The following HECA variants were observed in gnomAD, a reference collection of about 807,000 sequenced individuals.
The protein encoded by HECA is HECA ribonucleoprotein granule regulator, also known as headcase protein homolog.
Under a neutral mutation model 37.6 loss-of-function variants are expected in HECA, and 13 were observed. The ratio of observed to expected loss-of-function variants is 0.35; its 90% confidence interval spans 0.23 to 0.55. HECA has a LOEUF of 0.55. Among genes scored for constraint, HECA ranks in the 20% least tolerant of loss-of-function variants. The pLI, the probability that HECA is intolerant of heterozygous loss-of-function variation, is 0.90. For missense variants in HECA, 527 were observed against 701.9 expected, an observed-to-expected ratio of 0.75 and a Z score of 2.82; for synonymous variants, 307 against 291.5, an observed-to-expected ratio of 1.05 and a Z score of -0.54.
At chr6:139,163,361 T>C (rs1314428299) in intron 1 of HECA, among the ~76,000 whole-genome samples, 1 of 27,130 alleles carries the variant, frequency 3.7e-5, no homozygotes, top group Non-Finnish European at 1.1e-4. Flanking sequence ...TCTTTTTTTT[T>C]TTTTTTTTTT....
intron 1 of HECA, among the ~76,000 whole-genome samples, chr6:139,165,785 G>A (rs974048119): frequency 8.9e-6 from 1 of 112,296 alleles, no homozygotes. Context: ...TCTGGGAACC[G>A]GCTTGGCTGT....
At position 139,178,452 on chromosome 6, in the gene HECA, A is replaced by C. The variant is rs1311782797; in HGVS notation, c.*1347A>C. ...CAGAAAATCATTTTATGAATAGCCAAATTTGGGGTTGATGTGAACATTTTA... is the reference window on the plus strand; with the variant it reads ...CAGAAAATCATTTTATGAATAGCCACATTTGGGGTTGATGTGAACATTTTA... On this transcript the variant is annotated 3_prime_UTR_variant, in exon 4 of 4. Coordinates refer to ENST00000367658, the MANE Select transcript of HECA (RefSeq NM_016217.3). 6.6e-6 allele frequency: 1 copy of C among 151,952 alleles called. No homozygotes were observed. Among genetic ancestry groups the C allele is most frequent in the Non-Finnish European group, 1.5e-5 (1 of 68,002 alleles). The allele number at this position is 151,952 out of a possible 1,614,324, so 9.4% of individuals were successfully genotyped here. A position where few individuals can be genotyped will look rare whatever the true frequency, so the allele number is the denominator to read the frequency against.
At chr6:139,148,189 AC>A (rs1163116311) in intron 1 of HECA, among the ~76,000 whole-genome samples, 1 of 152,128 alleles carries the variant, frequency 6.6e-6, no homozygotes, top group Non-Finnish European at 1.5e-5. Flanking sequence ...TTTTTGACAT[AC>A]GCTTTCCCTA....
intron 1 of HECA, among the ~76,000 whole-genome samples, chr6:139,139,448 G>A (rs949524771): frequency 1.3e-5 from 2 of 152,170 alleles, no homozygotes; most frequent in South Asian, 2.1e-4. Context: ...ACCAGCTTAC[G>A]AAGTATTAGC....
chr6:139,151,002 T>C (rs1486674488), intron 1 of HECA: 2 of 152,236 alleles, frequency 1.3e-5, no homozygotes, highest in African/African-American at 4.8e-5. Flanking sequence ...TTTTCATTTT[T>C]ACTGAGGTAT....
chr6:139,140,481 G>A (rs1031543212), intron 1 of HECA, among the ~76,000 whole-genome samples: 2 of 152,148 alleles, frequency 1.3e-5, no homozygotes, highest in African/African-American at 2.4e-5. Flanking sequence ...GAGCTCTTCT[G>A]TGCGCCGTTC....
intron 1 of HECA, among the ~76,000 whole-genome samples, chr6:139,148,216 T>C (rs1774608571): frequency 6.6e-6 from 1 of 152,232 alleles, no homozygotes; most frequent in Non-Finnish European, 1.5e-5. Context: ...TTGTTTGCCT[T>C]TCAGCCTTAT....
chr6:139,136,068 C>T (rs936056578), intron 1 of HECA, among the ~76,000 whole-genome samples: 2 of 151,926 alleles, frequency 1.3e-5, no homozygotes, highest in Non-Finnish European at 2.9e-5. Context: ...TAATTCTTCC[C>T]GGTGCTCCAA....
chr6:139,156,077 A>T (rs1582940220), intron 1 of HECA, among the ~76,000 whole-genome samples: 1 of 152,220 alleles, frequency 6.6e-6, no homozygotes, highest in South Asian at 2.1e-4. Context: ...TCTTATAAAC[A>T]AATACTAACT....
Position 139,166,775 on chromosome 6 carries a change from GT to G in HECA, c.764del (p.Val255GlyfsTer44). 1 of 1,613,782 alleles carries G rather than the reference GT, an allele frequency of 6.2e-7. No individual in the cohort carries two copies. Among genetic ancestry groups the G allele is most frequent in the Non-Finnish European group, 8.5e-7 (1 of 1,179,942 alleles). ...CCGGCAGAACTCCCAGGAGAAGGCA[GT>G]GGGTGCCGCAGCCTACGGTGCCCGT... ...MDRQNSQEKA[V>X]GAAAYGARSP... On this transcript the variant is annotated frameshift_variant, in exon 2 of 4. Transcript: ENST00000367658. LOFTEE classifies it high-confidence loss of function.
At chr6:139,162,356 G>C (rs1468680097) in intron 1 of HECA, among the ~76,000 whole-genome samples, 1 of 152,116 alleles carries the variant, frequency 6.6e-6, no homozygotes, top group African/African-American at 2.4e-5. Context: ...CATGTGTATA[G>C]TTTTTTTCAT....
chr6:139,170,194 C>A lies in HECA; in HGVS notation c.1312+2870C>A, dbSNP rs533536680. 36 of 152,282 alleles carry A rather than the reference C, an allele frequency of 2.4e-4. No individual in the cohort carries two copies. The East Asian group carries it at 6.4e-3, about 27-fold the overall frequency. The allele number at this position is 152,282 out of a possible 1,614,324, so 9.4% of individuals were successfully genotyped here. On this transcript the variant is annotated intron_variant, in intron 2 of 3. Coordinates refer to ENST00000367658, the MANE Select transcript of HECA (RefSeq NM_016217.3). Reference sequence around the variant, plus strand: ...TTTTTTATGAAGATGAATATGGGTACAGCAGATATGAGAATAGTAGTGTTC... The same window carrying A: ...TTTTTTATGAAGATGAATATGGGTAAAGCAGATATGAGAATAGTAGTGTTC...
chr6:139,175,927 A>T (rs1165688998), intron 3 of HECA, among the ~76,000 whole-genome samples: 3 of 152,298 alleles, frequency 2.0e-5, no homozygotes, highest in Non-Finnish European at 4.4e-5. Flanking sequence ...AATATGTTCG[A>T]TTATTGTTAA....
At chr6:139,165,418 A>T (rs1774869658) in intron 1 of HECA, among the ~76,000 whole-genome samples, 1 of 152,112 alleles carries the variant, frequency 6.6e-6, no homozygotes, top group Admixed American at 6.5e-5. Flanking sequence ...ATTGTCATTT[A>T]ATTTCATAGT....
chr6:139,156,160 T>A, intron 1 of HECA, among the ~76,000 whole-genome samples: 1 of 150,492 alleles, frequency 6.6e-6, no homozygotes, highest in East Asian at 1.9e-4. Flanking sequence ...TGTATTATTA[T>A]TTTTTACATT....
chr6:139,147,290 A>G (rs1055533775), intron 1 of HECA, among the ~76,000 whole-genome samples: 4 of 151,910 alleles, frequency 2.6e-5, no homozygotes, highest in African/African-American at 9.7e-5. Context: ...AAAAACACCA[A>G]TATGGTTTTT....
chr6:139,140,941 C>T (rs1774505689), intron 1 of HECA, among the ~76,000 whole-genome samples: 1 of 152,132 alleles, frequency 6.6e-6, no homozygotes, highest in Non-Finnish European at 1.5e-5. Flanking sequence ...CAGGCACCCG[C>T]CACAATGCCC....
At chr6:139,159,314 C>G (rs1408604930) in intron 1 of HECA, 1 of 152,116 alleles carries the variant, frequency 6.6e-6, no homozygotes, top group Admixed American at 6.5e-5. Flanking sequence ...TCTCTGCAAA[C>G]AAGGGGATTT....
intron 2 of HECA, among the ~76,000 whole-genome samples, chr6:139,167,532 C>T (rs568013005): frequency 3.9e-5 from 6 of 152,184 alleles, no homozygotes; most frequent in Admixed American, 2.0e-4. Flanking sequence ...GTTGTCCTAG[C>T]GGATAATTTT....
Sources: allele counts gnomAD v4.1 joint callset (sites outside exome capture counted in the v4.1 genomes callset), GRCh38; gene constraint gnomAD v4.1.1; transcripts MANE v1.5; gene names NCBI Gene and HGNC (gene_info 2026-07-23, HGNC 2026-07-21).